SYT13: variants seen among roughly 807,000 people sequenced by gnomAD.
SYT13 encodes synaptotagmin 13, also known as synaptotagmin-13.
In SYT13, 21 loss-of-function variants were observed where a neutral mutation model predicts 38.6. That is an observed-to-expected ratio of 0.54 (90% CI 0.39 to 0.78). SYT13 has a LOEUF of 0.78. Ranked by LOEUF, SYT13 falls within the 30% of genes least tolerant of loss-of-function variation. The pLI is 0.00. For missense variants in SYT13, 495 were observed against 548.7 expected, an observed-to-expected ratio of 0.90 and a Z score of 0.98; for synonymous variants, 241 against 237.6, an observed-to-expected ratio of 1.01 and a Z score of -0.13.
Position 45,254,279 on chromosome 11 carries a change from G to T in SYT13, c.535C>A (p.Arg179Ser), listed in dbSNP as rs771532112. Residue 179 changes from arginine (R) to serine (S), a missense_variant, in exon 3 of 6, where the codon CGC becomes AGC. Physicochemically the swap from Arg to Ser is moderately radical, Grantham distance 110. Coordinates refer to ENST00000020926, the MANE Select transcript of SYT13 (RefSeq NM_020826.3). The stretch of plus-strand genomic sequence containing the variant: ...CAAATAAGAGCCATACCTTCCAGGC[G>T]AGTCACAAACAATTCTGCCTTCTGA... Reference protein sequence around the residue: ...DCQKAELFVTRLEAVTSNHDG... With the variant: ...DCQKAELFVTSLEAVTSNHDG... 2.5e-6 allele frequency: 4 copies of T among 1,610,490 alleles called. No homozygotes were observed. In the East Asian group the frequency reaches 8.9e-5, roughly 36 times the overall value.
At chr11:45,249,738 A>G (rs1355516303) in intron 4 of SYT13, among the ~76,000 whole-genome samples, 1 of 151,940 alleles carries the variant, frequency 6.6e-6, no homozygotes, top group African/African-American at 2.4e-5. Flanking sequence ...ATCACACACC[A>G]GGGCATGTCA....
At chr11:45,253,409 A>C (rs2135890804) in intron 3 of SYT13, among the ~76,000 whole-genome samples, 2 of 152,342 alleles carry the variant, frequency 1.3e-5, no homozygotes, top group East Asian at 3.9e-4. Context: ...GACTTGCCAG[A>C]CCTCAGTTTC....
chr11:45,275,045 C>A (rs991711497), intron 1 of SYT13, among the ~76,000 whole-genome samples: 1 of 152,090 alleles, frequency 6.6e-6, no homozygotes, highest in Non-Finnish European at 1.5e-5. Flanking sequence ...GCATAGAGAT[C>A]CTTCGGTGGA....
intron 1 of SYT13, among the ~76,000 whole-genome samples, chr11:45,264,017 G>A (rs559441925): frequency 4.5e-4 from 68 of 152,320 alleles, no homozygotes; most frequent in Non-Finnish European, 8.1e-4. Context: ...GGTCTAGTCA[G>A]GTGCTACAAA....
chr11:45,271,066 G>A (rs1715361685), intron 1 of SYT13, among the ~76,000 whole-genome samples: 1 of 152,142 alleles, frequency 6.6e-6, no homozygotes, highest in Non-Finnish European at 1.5e-5. Flanking sequence ...CCATAAAGGG[G>A]AGATACTAGG....
intron 3 of SYT13, among the ~76,000 whole-genome samples, chr11:45,253,098 C>T (rs1032464737): frequency 2.6e-5 from 4 of 152,166 alleles, no homozygotes; most frequent in African/African-American, 9.7e-5. Context: ...CACCACATAA[C>T]CATTTTCCAT....
intron 1 of SYT13, among the ~76,000 whole-genome samples, chr11:45,274,887 C>T (rs147338687): frequency 1.3e-5 from 2 of 152,278 alleles, no homozygotes; most frequent in African/African-American, 4.8e-5. Flanking sequence ...CTGGGTATTA[C>T]CTCATTGGCC....
At position 45,242,561 on chromosome 11, in the gene SYT13, A is replaced by C. The variant is rs1854564816; in HGVS notation, c.*1491T>G. On this transcript the variant is annotated 3_prime_UTR_variant, in exon 6 of 6. Coordinates refer to ENST00000020926, the MANE Select transcript of SYT13 (RefSeq NM_020826.3). Reference sequence around the variant, plus strand: ...TCCAGCCTGGGCAACAAAGAGCAAAACTCCGTCTAAAAAAAAAGGTGAAAA... The same window carrying C: ...TCCAGCCTGGGCAACAAAGAGCAAACCTCCGTCTAAAAAAAAAGGTGAAAA... The C allele has an allele frequency of 6.6e-6, 1 of 152,016 alleles. No homozygotes were observed. Among genetic ancestry groups the C allele is most frequent in the African/African-American group, 2.4e-5 (1 of 41,434 alleles). 9.4% of individuals were successfully genotyped at this position (152,016 alleles called of 1,614,324 possible).
At chr11:45,275,610 A>G (rs1855001132) in intron 1 of SYT13, among the ~76,000 whole-genome samples, 1 of 152,232 alleles carries the variant, frequency 6.6e-6, no homozygotes. Flanking sequence ...GGACTTTTCT[A>G]TAACATAAGG....
rs550712075 is a variant in SYT13, at chr11:45,246,420, G to A, written c.939C>T (p.Asn313=). 92 of 1,614,116 alleles carry A rather than the reference G, an allele frequency of 5.7e-5. No homozygotes were observed. The East Asian group carries it at 1.9e-3, about 34-fold the overall frequency. Residue 313 remains asparagine (N), a synonymous_variant, in exon 5 of 6, where the codon AAC becomes AAT. Coordinates refer to ENST00000020926, the MANE Select transcript of SYT13 (RefSeq NM_020826.3). ...RLLVVLIKAK[N]LHSNQSKELL... ...GCTCCTTGGACTGGTTAGAGTGGAG[G>A]TTCTTGGCTTTAATCAGCACCACCA...
intron 1 of SYT13, among the ~76,000 whole-genome samples, chr11:45,283,649 A>T (rs1855099900): frequency 1.3e-5 from 2 of 152,248 alleles, no homozygotes; most frequent in African/African-American, 4.8e-5. Context: ...AGTTGCCCAC[A>T]TCTTTGTCAC....
chr11:45,266,471 C>T (rs1854882298), intron 1 of SYT13, among the ~76,000 whole-genome samples: 3 of 151,432 alleles, frequency 2.0e-5, no homozygotes, highest in Middle Eastern at 6.8e-3. Flanking sequence ...ACTTCTAGGT[C>T]TGGTACCATA....
Position 45,252,834 on chromosome 11 carries a change from T to C in SYT13, c.545-112A>G, listed in dbSNP as rs1163644413. On this transcript the variant is annotated intron_variant, in intron 3 of 5. Transcript: ENST00000020926. This position sits in a 1 kb window ranked among gnomAD's most constrained non-coding sequence, Gnocchi z 4.3. Reference sequence around the variant, plus strand: ...TCCAGCTTAACGACGTGACCTTGGGTGTCAGAAAGGCTGACCACCCTGGGC... The same window carrying C: ...TCCAGCTTAACGACGTGACCTTGGGCGTCAGAAAGGCTGACCACCCTGGGC... The C allele has an allele frequency of 2.2e-5, 28 of 1,255,396 alleles. No individual in the cohort carries two copies. The highest frequency in any genetic ancestry group is 3.0e-5 in the Non-Finnish European group (28 of 934,818). The allele number at this position is 1,255,396 out of a possible 1,614,324, so 77.8% of individuals were successfully genotyped here. A position where few individuals can be genotyped will look rare whatever the true frequency, so the allele number is the denominator to read the frequency against.
At chr11:45,262,407 G>A (rs896564424) in intron 1 of SYT13, among the ~76,000 whole-genome samples, 3 of 152,138 alleles carry the variant, frequency 2.0e-5, no homozygotes, top group African/African-American at 7.2e-5. Flanking sequence ...GGTGATGTTT[G>A]TACAACATCC....
intron 1 of SYT13, among the ~76,000 whole-genome samples, chr11:45,258,154 GC>G (rs1402372905): frequency 6.6e-6 from 1 of 152,184 alleles, no homozygotes; most frequent in Non-Finnish European, 1.5e-5. Flanking sequence ...GCCTAGATCA[GC>G]CTGGCCCAAA....
In SYT13 at chr11:45,252,547, C is replaced by A. The variant is rs150550915; in HGVS notation, c.720G>T (p.Thr240=). The A allele has an allele frequency of 3.7e-6, 6 of 1,614,016 alleles. No individual in the cohort carries two copies. The highest frequency in any genetic ancestry group is 1.3e-5 in the African/African-American group (1 of 74,942). Residue 240 remains threonine, a synonymous_variant, in exon 4 of 6, where the codon ACG becomes ACT. Transcript: ENST00000020926. This position sits in a 1 kb window ranked among gnomAD's most constrained non-coding sequence, Gnocchi z 4.3. ...AGCGGTCGCAGGTCCTCAAGGTCAG[C>A]GTCAGGGTGGCTGTGGGGAGCTCCT... The part of the protein sequence containing the change: ...AEEELPTATL[T]LTLRTCDRFS...
At chr11:45,281,979 C>T (rs117526507) in intron 1 of SYT13, among the ~76,000 whole-genome samples, 62 of 152,232 alleles carry the variant, frequency 4.1e-4, no homozygotes, top group Non-Finnish European at 8.1e-4. Context: ...TTAGGTTGGG[C>T]GAAAGGAGGA....
intron 1 of SYT13, among the ~76,000 whole-genome samples, chr11:45,257,367 C>T (rs1365643871): frequency 6.6e-6 from 1 of 152,110 alleles, no homozygotes; most frequent in Non-Finnish European, 1.5e-5. Flanking sequence ...ATAAAAAAGC[C>T]CTCAGGTTAA....
At position 45,242,250 on chromosome 11, in the gene SYT13, C is replaced by T. The variant is rs714720; in HGVS notation, c.*1802G>A. 114,009 of 152,064 alleles carry T rather than the reference C, an allele frequency of 0.75. 44,547 individuals are homozygous for T. Among genetic ancestry groups the T allele is most frequent in the Non-Finnish European group, 0.88 (59,654 of 68,006 alleles). 9.4% of individuals were successfully genotyped at this position (152,064 alleles called of 1,614,324 possible). ...AATGCCACGATGCTTCTGGCACTTT[C>T]TGGGCATTCTCAGCTGCCAAATTAA... On this transcript the variant is annotated 3_prime_UTR_variant, in exon 6 of 6. Coordinates refer to ENST00000020926, the MANE Select transcript of SYT13 (RefSeq NM_020826.3).
Sources: allele counts gnomAD v4.1 joint callset (sites outside exome capture counted in the v4.1 genomes callset), GRCh38; gene constraint gnomAD v4.1.1; non-coding constraint Gnocchi (gnomAD v3.1); transcripts MANE v1.5; gene names NCBI Gene and HGNC (gene_info 2026-07-23, HGNC 2026-07-21).